The following PLCD3 variants were observed in gnomAD, a reference collection of about 807,000 sequenced individuals.
PLCD3 encodes 1-phosphatidylinositol 4,5-bisphosphate phosphodiesterase delta-3.
In PLCD3, 62 loss-of-function variants were observed where a neutral mutation model predicts 82.8. The ratio of observed to expected loss-of-function variants is 0.75; its 90% CI spans 0.61 to 0.93. The LOEUF is 0.93. Ranked by LOEUF, PLCD3 falls within the 40% of genes least tolerant of loss-of-function variation. PLCD3 has a pLI of 0.00. For missense variants in PLCD3, 1,023 were observed against 1,103.4 expected (o/e 0.93, Z 1.03); for synonymous variants, 478 against 471.8 (o/e 1.01, Z -0.17).
rs3744762 is a variant in PLCD3 at position 45,118,810 on chromosome 17, C to T, written c.913+5G>A. 67 of 1,598,008 alleles carry T rather than the reference C, an allele frequency of 4.2e-5. No homozygotes were observed. In the East Asian group the frequency reaches 1.5e-3, roughly 35 times the overall value. ...GCCACGACCTGGCCGTGCCACCCCCCCCACCTGTCTCGTTGAGCTCATAGG... is the reference window on the plus strand; with the variant it reads ...GCCACGACCTGGCCGTGCCACCCCCTCCACCTGTCTCGTTGAGCTCATAGG... On this transcript the variant is annotated splice_donor_5th_base_variant and intron_variant, in intron 5 of 14. Transcript: ENST00000619929. This position sits in a 1 kb window ranked among gnomAD's most constrained non-coding sequence, Gnocchi z 4.1.
intron 1 of PLCD3, among the ~76,000 whole-genome samples, chr17:45,123,551 A>G (rs9303454): frequency 0.88 from 133,947 of 152,056 alleles, 59,134 homozygotes; most frequent in South Asian, 0.93. Flanking sequence ...AGAGTTCAGG[A>G]CAGAGGCCTC....
chr17:45,115,502 A>G lies in PLCD3; in HGVS notation c.1414-12T>C. The G allele has an allele frequency of 1.2e-6, 2 of 1,601,806 alleles. No individual in the cohort carries two copies. The highest frequency in any genetic ancestry group is 2.2e-5 in the South Asian group (2 of 89,202). ...CGGCCCTTCAGCTGCTGTGGGGGCC[A>G]ACGTGGAGGATGAAGGGTTAGGCCT... On this transcript the variant is annotated splice_polypyrimidine_tract_variant and intron_variant, in intron 8 of 14. Coordinates refer to ENST00000619929, the MANE Select transcript of PLCD3 (RefSeq NM_133373.5).
At position 45,115,477 on chromosome 17, in the gene PLCD3, C is replaced by G; in HGVS notation, c.1427G>C (p.Arg476Pro). 2 of 1,610,180 alleles carry G rather than the reference C, an allele frequency of 1.2e-6. No homozygotes were observed. Among genetic ancestry groups the G allele is most frequent in the Non-Finnish European group, 1.7e-6 (2 of 1,178,528 alleles). Residue 476 changes from arginine (R) to proline (P), a missense_variant, in exon 9 of 15, where the codon CGG (arginine) becomes CCG (proline). Physicochemically the swap from Arg to Pro is moderately radical, Grantham distance 103. Transcript: ENST00000619929. The stretch of plus-strand genomic sequence containing the variant: ...CAACTTCTTTCCCTTCACCAGGACC[C>G]GGCCCTTCAGCTGCTGTGGGGGCCA... ...ELPSPEQLKG[R>P]VLVKGKKLPA...
intron 1 of PLCD3, among the ~76,000 whole-genome samples, chr17:45,126,994 A>C (rs1308624647): frequency 6.6e-6 from 1 of 152,228 alleles, no homozygotes; most frequent in Non-Finnish European, 1.5e-5. Context: ...AATGCTGTTA[A>C]AGAAGCAGAC....
In PLCD3 at chr17:45,118,278, C is replaced by T. The variant is rs529052810; in HGVS notation, c.1115+13G>A. 1 of 1,613,962 alleles carries T rather than the reference C, an allele frequency of 6.2e-7. No individual in the cohort carries two copies. The highest frequency in any genetic ancestry group is 8.5e-7 in the Non-Finnish European group (1 of 1,179,838). ...GTGGGGCTCCCGGAAACATTCACCC[C>T]CTGCTACAGTACCTAACATAGGCCT... On this transcript the variant is annotated intron_variant, in intron 6 of 14. Coordinates refer to ENST00000619929, the MANE Select transcript of PLCD3 (RefSeq NM_133373.5). This position sits in a 1 kb window ranked among gnomAD's most constrained non-coding sequence, Gnocchi z 4.1.
intron 7 of PLCD3, 54 bp from the exon 8 acceptor site, chr17:45,116,838 TCC>T: frequency 6.7e-7 from 1 of 1,498,284 alleles, no homozygotes; most frequent in Non-Finnish European, 8.9e-7. Context: ...TGCCAGTATC[TCC>T]CAACATCTGG....
intron 8 of PLCD3, 62 bp from the exon 9 acceptor site, chr17:45,115,552 G>T: frequency 6.8e-7 from 1 of 1,470,282 alleles, no homozygotes; most frequent in Non-Finnish European, 9.2e-7. Flanking sequence ...CAGCCAGTCA[G>T]TCAGTTATTC....
chr17:45,128,897 G>A (rs1479417933), intron 1 of PLCD3, among the ~76,000 whole-genome samples: 3 of 152,204 alleles, frequency 2.0e-5, no homozygotes, highest in African/African-American at 7.2e-5. Flanking sequence ...GAGAGGAGCG[G>A]CCAGGAGGCC....
chr17:45,130,050 C>T (rs1410050051), intron 1 of PLCD3, among the ~76,000 whole-genome samples: 1 of 152,194 alleles, frequency 6.6e-6, no homozygotes, highest in Non-Finnish European at 1.5e-5. Flanking sequence ...GGCTGGGCCC[C>T]AAGACTGGGT....
chr17:45,120,196 G>C (rs1434144172), intron 4 of PLCD3, 129 bp downstream of exon 4: 2 of 1,292,344 alleles, frequency 1.5e-6, no homozygotes, highest in African/African-American at 1.5e-5. Flanking sequence ...TTTGTGCAGG[G>C]AAAGGCTGCT....
chr17:45,129,044 T>C (rs146917055), intron 1 of PLCD3: 20 of 152,388 alleles, frequency 1.3e-4, no homozygotes, highest in African/African-American at 4.8e-4. Context: ...CTCTGAGTCT[T>C]AGTTTCCTCA....
At chr17:45,128,842 G>T (rs1435798963) in intron 1 of PLCD3, among the ~76,000 whole-genome samples, 1 of 152,180 alleles carries the variant, frequency 6.6e-6, no homozygotes, top group East Asian at 1.9e-4. Context: ...ATTTTATTTG[G>T]CAGCCCTGTG....
At position 45,110,695 on chromosome 17, in the gene PLCD3, T is replaced by C. The variant is rs369021462; in HGVS notation, c.*1921A>G. ...GCTAAAACTGGACTTAGCCTCACTG[T>C]GCCTCCCATCCTGAGGCTGCAGTTT... On this transcript the variant is annotated 3_prime_UTR_variant, in exon 15 of 15. Transcript: ENST00000619929. The C allele has an allele frequency of 2.6e-4, 40 of 152,350 alleles. 1 individual carries two copies. Among genetic ancestry groups the C allele is most frequent in the African/African-American group, 8.4e-4 (35 of 41,588 alleles). The allele number at this position is 152,350 out of a possible 1,614,324, so 9.4% of individuals were successfully genotyped here. A position where few individuals can be genotyped will look rare whatever the true frequency, so the allele number is the denominator to read the frequency against.
At chr17:45,115,285 T>A in intron 9 of PLCD3, 41 bp from the exon 10 acceptor site, 1 of 1,530,400 alleles carries the variant, frequency 6.5e-7, no homozygotes, top group Non-Finnish European at 8.8e-7. Context: ...GGCCCCCGCT[T>A]CCCACATCCG....
At position 45,109,602 on chromosome 17, in the gene PLCD3, C is replaced by G. The variant is rs1318314533; in HGVS notation, c.*3014G>C. ...GTCCATGACTGGTGCCTCCAAGCCC[C>G]TTTCCAGGGAAACTGAGAGGACACA... On this transcript the variant is annotated 3_prime_UTR_variant, in exon 15 of 15. Coordinates refer to ENST00000619929, the MANE Select transcript of PLCD3 (RefSeq NM_133373.5). 2.6e-5 allele frequency: 4 copies of G among 152,362 alleles called. No individual in the cohort carries two copies. Among genetic ancestry groups the G allele is most frequent in the Admixed American group, 1.3e-4 (2 of 15,292 alleles). The allele number at this position is 152,362 out of a possible 1,614,324, so 9.4% of individuals were successfully genotyped here. A position where few individuals can be genotyped will look rare whatever the true frequency, so the allele number is the denominator to read the frequency against.
chr17:45,125,079 T>G (rs1172246083), intron 1 of PLCD3, among the ~76,000 whole-genome samples: 1 of 128,046 alleles, frequency 7.8e-6, no homozygotes, highest in Admixed American at 7.9e-5. Flanking sequence ...GTAATCCCAG[T>G]ACTTTGGAAG....
intron 4 of PLCD3, 61 bp from the exon 5 acceptor site, chr17:45,119,104 A>C (rs1329870487): frequency 7.4e-7 from 1 of 1,354,958 alleles, no homozygotes; most frequent in Non-Finnish European, 1.0e-6. Context: ...GGCCCCTTTG[A>C]CCCATCTGTC....
chr17:45,125,160 CTGTT>C lies in PLCD3; in HGVS notation c.164-3792_164-3789del, dbSNP rs1567883493. ...TGACCAACATGGTGAAACCCTGTTT[CTGTT>C]TAAAATATAAAACATCAGCCGGGCA... On this transcript the variant is annotated intron_variant, in intron 1 of 14. Transcript: ENST00000619929. Among the ~76,000 whole-genome samples, 890 of 150,410 alleles carry C rather than the reference CTGTT, an allele frequency of 5.9e-3. 31 individuals are homozygous for C. The highest frequency in any genetic ancestry group is 0.019 in the East Asian group (96 of 5,090).
chr17:45,114,425 C>T (rs745767250), intron 10 of PLCD3, 59 bp from the exon 11 acceptor site: 212 of 1,381,996 alleles, frequency 1.5e-4, no homozygotes, highest in Non-Finnish European at 1.7e-4. Flanking sequence ...CCCAAAGCCC[C>T]GGCCTGTAAC....
Sources: allele counts gnomAD v4.1 joint callset (sites outside exome capture counted in the v4.1 genomes callset), GRCh38; gene constraint gnomAD v4.1.1; non-coding constraint Gnocchi (gnomAD v3.1); transcripts MANE v1.5; gene names NCBI Gene and HGNC (gene_info 2026-07-23, HGNC 2026-07-21).